TRAP1: variants seen among roughly 807,000 people sequenced by gnomAD.
TRAP1 encodes the protein TNF receptor associated protein 1.
TRAP1 carries 102 observed loss-of-function variants against 89.1 expected under a neutral mutation model. The ratio of observed to expected loss-of-function variants is 1.15; its 90% CI spans 0.98 to 1.35. The LOEUF (loss-of-function observed/expected upper bound fraction) is 1.35. Among genes scored for constraint, TRAP1 ranks in the 40% most tolerant of loss-of-function variants. The pLI, the probability that TRAP1 is intolerant of heterozygous loss-of-function variation, is 0.00. For missense variants in TRAP1, 1,256 were observed against 945.3 expected, an observed-to-expected ratio of 1.33 and a Z score of -4.31; for synonymous variants, 508 against 388.0, an observed-to-expected ratio of 1.31 and a Z score of -3.64.
chr16:3,715,699 G>A (rs2051589546), intron 1 of TRAP1, among the ~76,000 whole-genome samples: 1 of 152,050 alleles, frequency 6.6e-6, no homozygotes, highest in Non-Finnish European at 1.5e-5. Context: ...TGCAATCCCA[G>A]CATTTTGGAG....
At chr16:3,658,895 G>A (rs765824667) in intron 16 of TRAP1, 30 bp from the exon 17 acceptor site, 1 of 1,612,238 alleles carries the variant, frequency 6.2e-7, no homozygotes, top group Non-Finnish European at 8.5e-7. Flanking sequence ...AGAAAAAGCA[G>A]CTCAGTACCA....
intron 1 of TRAP1, among the ~76,000 whole-genome samples, chr16:3,716,442 C>G (rs2051598847): frequency 6.6e-6 from 1 of 152,136 alleles, no homozygotes; most frequent in African/African-American, 2.4e-5. Flanking sequence ...CTGAAATAAC[C>G]TTTATTGCGT....
chr16:3,694,942 A>G (rs1222579261), intron 1 of TRAP1, among the ~76,000 whole-genome samples: 1 of 152,062 alleles, frequency 6.6e-6, no homozygotes, highest in Non-Finnish European at 1.5e-5. Context: ...GCTGGGAGGG[A>G]GGGTCTGTTT....
intron 16 of TRAP1, 166 bp from the exon 17 acceptor site, chr16:3,659,031 C>A (rs917303998): frequency 2.4e-5 from 16 of 673,572 alleles, no homozygotes; most frequent in African/African-American, 2.2e-4. Context: ...ATTATATACC[C>A]AGAAAACCCA....
chr16:3,691,351 G>A (rs1331922014), intron 1 of TRAP1, among the ~76,000 whole-genome samples: 1 of 152,122 alleles, frequency 6.6e-6, no homozygotes, highest in Non-Finnish European at 1.5e-5. Context: ...CGAGTAGCTG[G>A]GACCACAGGC....
chr16:3,712,774 T>C (rs796777950), intron 1 of TRAP1, among the ~76,000 whole-genome samples: 335 of 152,228 alleles, frequency 2.2e-3, no homozygotes, highest in African/African-American at 7.7e-3. Flanking sequence ...GCCACCACCC[T>C]GGCTAATTTC....
intron 16 of TRAP1, chr16:3,660,566 C>T (rs1302790046): frequency 1.3e-5 from 2 of 152,176 alleles, no homozygotes; most frequent in African/African-American, 2.4e-5. Context: ...GACCTGGTGT[C>T]CGCCTCACTG....
intron 9 of TRAP1, 68 bp downstream of exon 9, chr16:3,674,271 T>C (rs999226266): frequency 3.2e-6 from 5 of 1,571,618 alleles, no homozygotes; most frequent in Non-Finnish European, 4.4e-6. Flanking sequence ...ATGTGACATC[T>C]GCAGAGCTGA....
At chr16:3,694,436 T>A (rs1441640976) in intron 1 of TRAP1, among the ~76,000 whole-genome samples, 1 of 152,012 alleles carries the variant, frequency 6.6e-6, no homozygotes. Flanking sequence ...CTCTGCCTCC[T>A]GGGTTCAGGC....
At chr16:3,681,020 A>C (rs1302012829) in intron 4 of TRAP1, among the ~76,000 whole-genome samples, 2 of 152,166 alleles carry the variant, frequency 1.3e-5, no homozygotes, top group Non-Finnish European at 2.9e-5. Context: ...TGGTGAACAC[A>C]CAAGGCCTTA....
At chr16:3,668,063 G>A (rs998526025) in intron 11 of TRAP1, among the ~76,000 whole-genome samples, 2 of 151,888 alleles carry the variant, frequency 1.3e-5, no homozygotes, top group South Asian at 2.1e-4. Context: ...GAGTGGCTGG[G>A]ATTACACCTG....
chr16:3,692,373 T>C (rs1192170535), intron 1 of TRAP1, among the ~76,000 whole-genome samples: 1 of 151,694 alleles, frequency 6.6e-6, no homozygotes, highest in Non-Finnish European at 1.5e-5. Context: ...CCATCTGTAC[T>C]AAAAATACAA....
At chr16:3,688,050 C>A (rs189912184) in intron 3 of TRAP1, among the ~76,000 whole-genome samples, 1 of 152,264 alleles carries the variant, frequency 6.6e-6, no homozygotes, top group Non-Finnish European at 1.5e-5. Context: ...GCTTTGAAAT[C>A]TGCTGCTTTA....
chr16:3,672,626 A>G (rs1243060420), intron 10 of TRAP1, 74 bp downstream of exon 10: 6 of 1,506,406 alleles, frequency 4.0e-6, no homozygotes, highest in African/African-American at 1.4e-5. Context: ...GAATGGAATC[A>G]GCACGGTCCC....
Position 3,677,580 on chromosome 16 carries a change from C to A in TRAP1, c.622G>T (p.Ala208Ser). 1.2e-6 allele frequency: 2 copies of A among 1,614,200 alleles called. No individual in the cohort carries two copies. The highest frequency in any genetic ancestry group is 1.7e-6 in the Non-Finnish European group (2 of 1,180,026). The change falls in exon 6 of 18, where the codon GCT becomes TCT. Residue 208 changes from alanine (A) to serine (S), a missense_variant. By Grantham distance (99) the Ala-to-Ser change is moderately conservative (BLOSUM62 1). Coordinates refer to ENST00000246957, the MANE Select transcript of TRAP1 (RefSeq NM_016292.3). ...TCCACTCTGTCAGCCACCATGAAAGCTGAGTAGAAACCCACTCCAAACTGG... is the reference window on the plus strand; with the variant it reads ...TCCACTCTGTCAGCCACCATGAAAGATGAGTAGAAACCCACTCCAAACTGG... Reference protein sequence around the residue: ...IGQFGVGFYSAFMVADRVEVY... With the variant: ...IGQFGVGFYSSFMVADRVEVY...
intron 11 of TRAP1, among the ~76,000 whole-genome samples, chr16:3,670,307 T>C (rs1722969823): frequency 7.4e-6 from 1 of 135,514 alleles, no homozygotes; most frequent in South Asian, 2.3e-4. Flanking sequence ...GGCGTGAACC[T>C]AGGAGGCGAA....
At chr16:3,662,482 C>T (rs762448435) in intron 15 of TRAP1, 14 of 522,342 alleles carry the variant, frequency 2.7e-5, no homozygotes, top group Non-Finnish European at 4.2e-5. Flanking sequence ...CTGAGCTAGA[C>T]AGGTTGGTGG....
chr16:3,701,811 C>T (rs2051369499), intron 1 of TRAP1, among the ~76,000 whole-genome samples: 1 of 152,214 alleles, frequency 6.6e-6, no homozygotes, highest in Non-Finnish European at 1.5e-5. Context: ...GTTATGAAGA[C>T]AGCAGGTGCT....
intron 1 of TRAP1, among the ~76,000 whole-genome samples, chr16:3,705,703 A>C (rs1344507342): frequency 6.6e-6 from 1 of 152,086 alleles, no homozygotes; most frequent in Non-Finnish European, 1.5e-5. Context: ...TTTGTGAGAC[A>C]GAGTTTCACT....
Sources: gnomAD v4.1 joint callset for allele counts (sites outside exome capture counted in the v4.1 genomes callset) on GRCh38, gnomAD v4.1.1 for gene constraint, MANE v1.5 for transcripts, NCBI Gene and HGNC (gene_info 2026-07-23, HGNC 2026-07-21) for gene names.